The following EPHA6 variants were observed in gnomAD, a reference collection of about 807,000 sequenced individuals.
EPHA6 encodes ephrin type-A receptor 6.
EPHA6 carries 50 observed loss-of-function variants against 112.0 expected under a neutral mutation model. That is an observed-to-expected ratio of 0.45 (90% CI 0.36 to 0.56). The LOEUF (loss-of-function observed/expected upper bound fraction) is 0.56, where lower values mean the gene tolerates loss of function less well. EPHA6 is among the 20% of genes least tolerant of loss of function. The pLI, the probability that EPHA6 is intolerant of heterozygous loss-of-function variation, is 0.00. For synonymous variants in EPHA6, 529 were observed against 490.7 expected (o/e 1.08, Z -1.03); for missense variants, 1,280 against 1,417.4 (o/e 0.90, Z 1.56).
intron 14 of EPHA6, among the ~76,000 whole-genome samples, chr3:97,669,400 A>T: frequency 6.6e-6 from 1 of 151,334 alleles, no homozygotes. Context: ...TTTTGTCATG[A>T]TCTAGAATCA....
chr3:97,327,796 A>G (rs1403791564), intron 5 of EPHA6, among the ~76,000 whole-genome samples: 1 of 150,564 alleles, frequency 6.6e-6, no homozygotes, highest in Non-Finnish European at 1.5e-5. Context: ...GCAGTACTAC[A>G]TTCATTTTTA....
intron 3 of EPHA6, among the ~76,000 whole-genome samples, chr3:96,993,359 C>T (rs181333989): frequency 6.0e-5 from 9 of 151,176 alleles, no homozygotes; most frequent in African/African-American, 2.2e-4. Flanking sequence ...TACAGTGGCG[C>T]GATCTTGCCG....
intron 1 of EPHA6, among the ~76,000 whole-genome samples, chr3:96,826,983 C>T (rs1046614563): frequency 6.6e-6 from 1 of 152,220 alleles, no homozygotes; most frequent in East Asian, 1.9e-4. Flanking sequence ...GGTTCCTTAT[C>T]TTCCAATTTA....
At chr3:97,143,883 C>G (rs2075971916) in intron 3 of EPHA6, among the ~76,000 whole-genome samples, 1 of 151,496 alleles carries the variant, frequency 6.6e-6, no homozygotes, top group African/African-American at 2.4e-5. Context: ...TGTGTGTATT[C>G]AGGGAGGTAA....
rs565701785 is a variant in EPHA6 at position 96,829,942 on chromosome 3, C to T, written c.385+14934C>T. 3.8e-4 allele frequency among the ~76,000 whole-genome samples: 40 copies of T among 104,244 alleles called. No homozygotes were observed. In the East Asian group the frequency reaches 8.4e-3, roughly 22 times the overall value. The allele number at this position is 104,244 out of a possible 152,430, so 68.4% of individuals were successfully genotyped here. ...GTATACACATGCACGTGCATGTGCG[C>T]GCGCGCGCACACACACACACACACA... On this transcript the variant is annotated intron_variant, in intron 1 of 17. Transcript: ENST00000389672.
intron 13 of EPHA6, among the ~76,000 whole-genome samples, chr3:97,635,151 AC>A (rs1343758842): frequency 6.6e-6 from 1 of 151,990 alleles, no homozygotes; most frequent in Non-Finnish European, 1.5e-5. Context: ...GACCTCATGG[AC>A]CCCTGAAAAT....
At chr3:97,035,618 G>A (rs1236241795) in intron 3 of EPHA6, among the ~76,000 whole-genome samples, 1 of 151,652 alleles carries the variant, frequency 6.6e-6, no homozygotes, top group African/African-American at 2.4e-5. Flanking sequence ...GATTTTTGTA[G>A]CGTACTCCAT....
intron 5 of EPHA6, among the ~76,000 whole-genome samples, chr3:97,287,374 A>G (rs952307067): frequency 3.9e-5 from 6 of 152,022 alleles, no homozygotes; most frequent in African/African-American, 1.5e-4. Flanking sequence ...AAAACTCTTA[A>G]CAATGGCGTG....
At chr3:97,371,851 C>T (rs1042578911) in intron 5 of EPHA6, among the ~76,000 whole-genome samples, 6 of 152,022 alleles carry the variant, frequency 3.9e-5, no homozygotes, top group Admixed American at 6.6e-5. Context: ...CTTTTACCGT[C>T]GTACATAAGG....
chr3:96,917,805 C>A lies in EPHA6; in HGVS notation c.450+50916C>A, dbSNP rs372076853. 1.8e-4 allele frequency among the ~76,000 whole-genome samples: 28 copies of A among 152,194 alleles called. 2 individuals carry two copies. Among genetic ancestry groups the A allele is most frequent in the African/African-American group, 6.3e-4 (26 of 41,530 alleles). On this transcript the variant is annotated intron_variant, in intron 2 of 17. Transcript: ENST00000389672. ...ATTCAAAAATAAAAATGACAGCCTC[C>A]CCGGGTGAGAAGGAACCAGTGTAAG... is the stretch of plus-strand genomic sequence containing the variant.
At chr3:97,592,143 G>T (rs1170212103) in intron 11 of EPHA6, among the ~76,000 whole-genome samples, 2 of 152,092 alleles carry the variant, frequency 1.3e-5, no homozygotes, top group Admixed American at 6.5e-5. Flanking sequence ...TGTAATTACT[G>T]CATGATGTAA....
rs2077133651 is a variant in EPHA6, at chr3:97,186,287, G to T, written c.1115-39977G>T. On this transcript the variant is annotated intron_variant, in intron 3 of 17. Coordinates refer to ENST00000389672, the MANE Select transcript of EPHA6 (RefSeq NM_001080448.3). ...CTAGCTATAGAATTTGGGGCCCCAAGATTTTTTTAAGTTGCTGACTAATCT... is the reference window on the plus strand; with the variant it reads ...CTAGCTATAGAATTTGGGGCCCCAATATTTTTTTAAGTTGCTGACTAATCT... Among the ~76,000 whole-genome samples, 3 of 152,172 alleles carry T rather than the reference G, an allele frequency of 2.0e-5. No individual in the cohort carries two copies. The East Asian group carries it at 5.8e-4, about 30-fold the overall frequency.
intron 14 of EPHA6, among the ~76,000 whole-genome samples, chr3:97,656,601 G>A (rs371865823): frequency 1.3e-4 from 20 of 151,582 alleles, no homozygotes; most frequent in African/African-American, 4.6e-4. Flanking sequence ...TTCATTTACT[G>A]TATTTTCCTA....
intron 2 of EPHA6, among the ~76,000 whole-genome samples, chr3:96,927,970 G>A (rs1304547423): frequency 2.0e-5 from 3 of 152,174 alleles, no homozygotes; most frequent in African/African-American, 7.2e-5. Flanking sequence ...GTCTTACAGG[G>A]TGGCAGGCAA....
At chr3:97,646,124 C>T (rs1382691459) in intron 14 of EPHA6, 1 of 1,524,334 alleles carries the variant, frequency 6.6e-7, no homozygotes, top group Non-Finnish European at 8.7e-7. Context: ...TTCAGAGACC[C>T]ACAAATCACA....
At chr3:97,718,435 A>T (rs927172355) in intron 14 of EPHA6, among the ~76,000 whole-genome samples, 6 of 152,162 alleles carry the variant, frequency 3.9e-5, no homozygotes, top group Non-Finnish European at 7.3e-5. Flanking sequence ...GTTAAGTTTG[A>T]ATTGCAGATA....
intron 5 of EPHA6, among the ~76,000 whole-genome samples, chr3:97,305,339 C>G (rs1276989487): frequency 1.3e-5 from 2 of 151,968 alleles, no homozygotes; most frequent in Non-Finnish European, 2.9e-5. Context: ...ACCAGAAATA[C>G]CACTTGACCC....
intron 3 of EPHA6, among the ~76,000 whole-genome samples, chr3:97,021,362 C>T (rs1264275703): frequency 3.3e-5 from 5 of 152,170 alleles, no homozygotes; most frequent in Admixed American, 1.3e-4. Context: ...CCTGCCCCTA[C>T]ACCTTCATCT....
chr3:96,845,831 G>A (rs760600914), intron 1 of EPHA6, among the ~76,000 whole-genome samples: 5 of 151,838 alleles, frequency 3.3e-5, no homozygotes, highest in Non-Finnish European at 7.4e-5. Flanking sequence ...ATAGGTCCGG[G>A]ATATATTGTG....
Sources: gnomAD v4.1 joint callset for allele counts (sites outside exome capture counted in the v4.1 genomes callset) on GRCh38, gnomAD v4.1.1 for gene constraint, MANE v1.5 for transcripts, NCBI Gene and HGNC (gene_info 2026-07-23, HGNC 2026-07-21) for gene names.